Variants in PIEZO2 observed in about 807,000 individuals in gnomAD.
The protein encoded by PIEZO2 is piezo-type mechanosensitive ion channel component 2.
PIEZO2 carries 172 observed loss-of-function variants against 337.3 expected under a neutral mutation model. That is an observed-to-expected ratio of 0.51 (90% CI 0.45 to 0.58). The LOEUF (loss-of-function observed/expected upper bound fraction) is 0.58. PIEZO2 is among the 20% of genes least tolerant of loss of function. PIEZO2 has a pLI of 0.00. For missense variants in PIEZO2, 3,028 were observed against 3,391.3 expected (o/e 0.89, Z 2.66); for synonymous variants, 1,251 against 1,228.5 (o/e 1.02, Z -0.38).
chr18:11,101,709 G>T lies in PIEZO2; in HGVS notation c.65-35487C>A, dbSNP rs1023118721. On this transcript the variant is annotated intron_variant, in intron 1 of 55. Transcript: ENST00000674853. The surrounding 1 kb of genome is among the most constrained non-coding windows in gnomAD (Gnocchi z 4.4). The stretch of plus-strand genomic sequence containing the variant: ...ACAGAGAATTTCCTAAAGCATTTAA[G>T]TCGAGATGGTCATTTTTCTCTTAGG... 1.3e-5 allele frequency among the ~76,000 whole-genome samples: 2 copies of T among 152,138 alleles called. No individual in the cohort carries two copies. Among genetic ancestry groups the T allele is most frequent in the Admixed American group, 6.5e-5 (1 of 15,282 alleles).
chr18:11,138,088 T>C (rs2040541158), intron 1 of PIEZO2, among the ~76,000 whole-genome samples: 2 of 152,310 alleles, frequency 1.3e-5, no homozygotes, highest in South Asian at 4.1e-4. Context: ...TATAGGAAAC[T>C]AGACCTAACT....
chr18:10,954,822 CCTT>C lies in PIEZO2; in HGVS notation c.286+24710_286+24712del, dbSNP rs1429064599. Among the ~76,000 whole-genome samples, 1 of 152,296 alleles carries C rather than the reference CCTT, an allele frequency of 6.6e-6. No individual in the cohort carries two copies. The highest frequency in any genetic ancestry group is 2.4e-5 in the African/African-American group (1 of 41,556). On this transcript the variant is annotated intron_variant, in intron 3 of 55. Transcript: ENST00000674853. The surrounding 1 kb of genome is among the most constrained non-coding windows in gnomAD (Gnocchi z 4.2). ...AGAACAGAGAACTCAGAATGCAAGG[CCTT>C]CTTCTCTCATTTCTCTCTGATGTTA...
intron 4 of PIEZO2, among the ~76,000 whole-genome samples, chr18:10,873,891 T>A (rs1316511224): frequency 6.6e-6 from 1 of 152,108 alleles, no homozygotes; most frequent in East Asian, 1.9e-4. Flanking sequence ...TGGAAACATT[T>A]CAGAACATTA....
At chr18:10,739,676 C>T (rs913602021) in intron 33 of PIEZO2, 7 of 152,178 alleles carry the variant, frequency 4.6e-5, no homozygotes, top group African/African-American at 1.7e-4. Flanking sequence ...ATACCCTGAA[C>T]AGTAAATAGA....
chr18:10,999,232 A>G (rs907747397), intron 2 of PIEZO2, among the ~76,000 whole-genome samples: 3 of 151,866 alleles, frequency 2.0e-5, no homozygotes, highest in Non-Finnish European at 4.4e-5. Flanking sequence ...TGTATTGGAT[A>G]CCAAATCTGC....
intron 40 of PIEZO2, among the ~76,000 whole-genome samples, chr18:10,706,839 C>T (rs2035607529): frequency 6.6e-6 from 1 of 152,156 alleles, no homozygotes; most frequent in Non-Finnish European, 1.5e-5. Context: ...ATGTTAGACT[C>T]TGAAATACGT....
At chr18:10,801,475 C>T in intron 9 of PIEZO2, 47 bp from the exon 10 acceptor site, 1 of 1,443,724 alleles carries the variant, frequency 6.9e-7, no homozygotes, top group Non-Finnish European at 9.4e-7. Flanking sequence ...AAGCTGAAAG[C>T]ATTTTACTGT....
In PIEZO2 at chr18:11,109,788, T is replaced by C. The variant is rs536779815; in HGVS notation, c.64+38737A>G. On this transcript the variant is annotated intron_variant, in intron 1 of 55. Coordinates refer to ENST00000674853, the MANE Select transcript of PIEZO2 (RefSeq NM_001378183.1). The surrounding 1 kb of genome is among the most constrained non-coding windows in gnomAD (Gnocchi z 5.1). ...AAAATGTGTATGTGTTTGTCTATTC[T>C]GGATACAAGTGAGATGCTGAAATCT... Among the ~76,000 whole-genome samples the C allele has an allele frequency of 6.6e-6, 1 of 152,364 alleles. No individual in the cohort carries two copies. The highest frequency in any genetic ancestry group is 2.1e-4 in the South Asian group (1 of 4,832).
At chr18:10,796,721 C>A (rs1228932633) in intron 12 of PIEZO2, among the ~76,000 whole-genome samples, 6 of 152,226 alleles carry the variant, frequency 3.9e-5, no homozygotes, top group Non-Finnish European at 8.8e-5. Flanking sequence ...CTTCTGCTAG[C>A]CCTGAGAAGA....
intron 24 of PIEZO2, among the ~76,000 whole-genome samples, chr18:10,760,686 CAG>C (rs2038087425): frequency 6.6e-6 from 1 of 152,198 alleles, no homozygotes; most frequent in Non-Finnish European, 1.5e-5. Flanking sequence ...TCTGGAGATC[CAG>C]AGAGGCCAAG....
chr18:10,672,894 A>G lies in PIEZO2; in HGVS notation c.8162-21T>C. ...ATTTTCTAGAAGGGTAGAAATGCAAAATTAAGTTGACATGAGAATTTTAGG... is the reference window on the plus strand; with the variant it reads ...ATTTTCTAGAAGGGTAGAAATGCAAGATTAAGTTGACATGAGAATTTTAGG... On this transcript the variant is annotated intron_variant, in intron 54 of 55. Transcript: ENST00000674853. This position sits in a 1 kb window ranked among gnomAD's most constrained non-coding sequence, Gnocchi z 4.7. 2 of 1,566,996 alleles carry G rather than the reference A, an allele frequency of 1.3e-6. No homozygotes were observed. The highest frequency in any genetic ancestry group is 1.7e-6 in the Non-Finnish European group (2 of 1,151,798).
intron 11 of PIEZO2, 84 bp from the exon 12 acceptor site, chr18:10,797,606 G>A (rs1421162951): frequency 6.7e-7 from 1 of 1,491,472 alleles, no homozygotes; most frequent in Non-Finnish European, 8.9e-7. Flanking sequence ...GCACATGTAT[G>A]GTTTTGGTAT....
intron 2 of PIEZO2, among the ~76,000 whole-genome samples, chr18:11,015,598 T>G (rs754065631): frequency 1.3e-5 from 2 of 152,182 alleles, no homozygotes; most frequent in Non-Finnish European, 2.9e-5. Context: ...AACGCCTTGA[T>G]AATCAGTGCC....
intron 2 of PIEZO2, among the ~76,000 whole-genome samples, chr18:11,046,336 C>T (rs1320853700): frequency 6.6e-6 from 1 of 152,248 alleles, no homozygotes; most frequent in Non-Finnish European, 1.5e-5. Flanking sequence ...TCCTATGGGA[C>T]AAGTGTTGGC....
Position 10,856,753 on chromosome 18 carries a change from A to G in PIEZO2, c.703+248T>C, listed in dbSNP as rs1184623155. On this transcript the variant is annotated intron_variant, in intron 6 of 55. Coordinates refer to ENST00000674853, the MANE Select transcript of PIEZO2 (RefSeq NM_001378183.1). The surrounding 1 kb of genome is among the most constrained non-coding windows in gnomAD (Gnocchi z 4.7). ...CTAAACCTAGAAAATGGAGTCGCTT[A>G]GCATATATAGAAAAAGATTATTTTG... 2.0e-5 allele frequency among the ~76,000 whole-genome samples: 3 copies of G among 152,068 alleles called. No homozygotes were observed. The highest frequency in any genetic ancestry group is 7.2e-5 in the African/African-American group (3 of 41,416).
intron 9 of PIEZO2, among the ~76,000 whole-genome samples, chr18:10,802,085 C>CAAAAAAAAAAAAAAAAAAAAA (rs58924448): frequency 1.0e-5 from 1 of 96,630 alleles, no homozygotes; most frequent in African/African-American, 4.1e-5. Flanking sequence ...GACTCCGTCT[C>CAAAAAAAAAAAAAAAAAAAAA]AAAAAAAAAA....
At chr18:10,970,828 A>G (rs529795403) in intron 3 of PIEZO2, among the ~76,000 whole-genome samples, 10 of 152,266 alleles carry the variant, frequency 6.6e-5, no homozygotes, top group African/African-American at 2.4e-4. Flanking sequence ...AAGGTGATAT[A>G]AGGTAGGGAA....
At chr18:10,755,430 C>T (rs1286965202) in intron 27 of PIEZO2, among the ~76,000 whole-genome samples, 1 of 152,134 alleles carries the variant, frequency 6.6e-6, no homozygotes, top group African/African-American at 2.4e-5. Flanking sequence ...AAAGTCACAG[C>T]AGCTTCCTCA....
At position 10,766,788 on chromosome 18, in the gene PIEZO2, G is replaced by A. The variant is rs918057971; in HGVS notation, c.2946+3360C>T. 2.6e-5 allele frequency among the ~76,000 whole-genome samples: 4 copies of A among 152,196 alleles called. No individual in the cohort carries two copies. The highest frequency in any genetic ancestry group is 5.9e-5 in the Non-Finnish European group (4 of 68,028). ...TTGGCAGCCATTCCCATCAGGCTGT[G>A]AGCTCAGACAAGAAGTGTGTCTTTC... On this transcript the variant is annotated intron_variant, in intron 21 of 55. Transcript: ENST00000674853. The surrounding 1 kb of genome is among the most constrained non-coding windows in gnomAD (Gnocchi z 6.1).
Sources: allele counts gnomAD v4.1 joint callset (sites outside exome capture counted in the v4.1 genomes callset), GRCh38; gene constraint gnomAD v4.1.1; non-coding constraint Gnocchi (gnomAD v3.1); transcripts MANE v1.5; gene names NCBI Gene and HGNC (gene_info 2026-07-23, HGNC 2026-07-21).